The following RPA3 variants were observed in gnomAD, a reference collection of about 807,000 sequenced individuals.
The protein encoded by RPA3 is replication protein A3.
RPA3 carries 24 observed loss-of-function variants against 13.7 expected under a neutral mutation model. The ratio of observed to expected loss-of-function variants is 1.75; its 90% confidence interval spans 1.27 to 2.46. The LOEUF (loss-of-function observed/expected upper bound fraction) is 2.46, where lower values mean the gene tolerates loss of function less well. Ranked by LOEUF, RPA3 falls within the 30% of genes most tolerant of loss-of-function variation. The probability of loss-of-function intolerance (pLI) is 0.00; values close to 1 mark genes in which losing one functional copy is unlikely to be tolerated. For synonymous variants in RPA3, 59 were observed against 51.2 expected (o/e 1.15, Z -0.65); for missense variants, 183 against 151.0 (o/e 1.21, Z -1.11).
At chr7:7,639,251 A>G (rs1462117745) in intron 5 of RPA3, 107 bp from the exon 6 acceptor site, 4 of 714,272 alleles carry the variant, frequency 5.6e-6, no homozygotes, top group Admixed American at 5.9e-5. Flanking sequence ...TTTCTTGAAC[A>G]GTTTATTCAT....
intron 4 of RPA3, among the ~76,000 whole-genome samples, chr7:7,654,683 A>G (rs1026455841): frequency 6.6e-6 from 1 of 152,148 alleles, no homozygotes. Context: ...TGGGCTGATC[A>G]CTTGAGGCTA....
At chr7:7,701,253 C>G (rs914044569) in intron 2 of RPA3, among the ~76,000 whole-genome samples, 1 of 151,966 alleles carries the variant, frequency 6.6e-6, no homozygotes, top group African/African-American at 2.4e-5. Flanking sequence ...GGCTTAGAGC[C>G]CTAAAACCTC....
intron 4 of RPA3, chr7:7,676,157 G>A (rs1779732579): frequency 2.5e-6 from 1 of 398,638 alleles, no homozygotes; most frequent in African/African-American, 2.1e-5. Context: ...CCCTGGGTCA[G>A]ACCCTTTGGG....
intron 4 of RPA3, among the ~76,000 whole-genome samples, chr7:7,647,837 T>C (rs913800661): frequency 6.6e-6 from 1 of 152,204 alleles, no homozygotes; most frequent in Admixed American, 6.5e-5. Flanking sequence ...ACTGCTAGGC[T>C]CAAGCAAGCC....
intron 4 of RPA3, among the ~76,000 whole-genome samples, chr7:7,669,737 G>A (rs1779558853): frequency 6.6e-6 from 1 of 152,168 alleles, no homozygotes; most frequent in African/African-American, 2.4e-5. Context: ...GGTCAGATTG[G>A]TGGAGTGATA....
chr7:7,715,798 G>A (rs1002003145), intron 1 of RPA3, among the ~76,000 whole-genome samples: 6 of 152,132 alleles, frequency 3.9e-5, no homozygotes, highest in Non-Finnish European at 8.8e-5. Flanking sequence ...GGGAAAAGAA[G>A]TATAAGACAG....
intron 2 of RPA3, among the ~76,000 whole-genome samples, chr7:7,696,783 G>T (rs1780329529): frequency 6.6e-6 from 1 of 152,020 alleles, no homozygotes; most frequent in Admixed American, 6.6e-5. Context: ...AACTCTATAG[G>T]TAGGGCCCTG....
At position 7,664,529 on chromosome 7, in the gene RPA3, T is replaced by A. The variant is rs1196857243; in HGVS notation, c.-758+21301A>T. Among the ~76,000 whole-genome samples the A allele has an allele frequency of 2.6e-5, 4 of 152,234 alleles. No homozygotes were observed. In the East Asian group the frequency reaches 7.7e-4, roughly 29 times the overall value. ...TTTTGCAGTCTTGATTTCTGTTGCT[T>A]ATCTACATGGTTCCTTCCTCTAGTG... On this transcript the variant is annotated intron_variant, in intron 4 of 7. Transcript: ENST00000223129.
Position 7,639,058 on chromosome 7 carries a change from A to C in RPA3, c.174+12T>G. 2.5e-6 allele frequency: 4 copies of C among 1,598,582 alleles called. No homozygotes were observed. The highest frequency in any genetic ancestry group is 3.4e-6 in the Non-Finnish European group (4 of 1,170,642). On this transcript the variant is annotated intron_variant, in intron 6 of 7. Transcript: ENST00000223129. ...TATAATATATAAGAGACTTATTAAC[A>C]CTTAAACATACGGGTTCCATCAACT...
Position 7,644,354 on chromosome 7 carries a change from CT to C in RPA3, c.-757-3180del, listed in dbSNP as rs35141799. On this transcript the variant is annotated intron_variant, in intron 4 of 7. Transcript: ENST00000223129. ...TTCCGTTTCCTTCCTTCATTCCATC[CT>C]TTTTTTTTTTTTATTAGGAAGACCT... Among the ~76,000 whole-genome samples, 1,209 of 141,772 alleles carry C rather than the reference CT, an allele frequency of 8.5e-3. 7 individuals carry two copies. Among genetic ancestry groups the C allele is most frequent in the African/African-American group, 0.023 (902 of 39,002 alleles). The allele number at this position is 141,772 out of a possible 152,430, so 93.0% of individuals were successfully genotyped here. A position where few individuals can be genotyped will look rare whatever the true frequency, so the allele number is the denominator to read the frequency against.
chr7:7,645,565 C>A (rs561655104), intron 4 of RPA3, among the ~76,000 whole-genome samples: 1 of 152,158 alleles, frequency 6.6e-6, no homozygotes. Flanking sequence ...AGGAGTATTC[C>A]CCGAAGTCCT....
At chr7:7,673,948 G>A (rs1413037318) in intron 4 of RPA3, among the ~76,000 whole-genome samples, 8 of 152,240 alleles carry the variant, frequency 5.3e-5, no homozygotes, top group South Asian at 4.1e-4. Context: ...AAAGGTTTTA[G>A]TGTCTTTAAA....
chr7:7,712,391 A>G (rs1780787227), intron 2 of RPA3, among the ~76,000 whole-genome samples: 1 of 152,140 alleles, frequency 6.6e-6, no homozygotes, highest in Non-Finnish European at 1.5e-5. Flanking sequence ...TTTTTGTAAA[A>G]TTGCCATGCA....
intron 4 of RPA3, among the ~76,000 whole-genome samples, chr7:7,645,056 G>A (rs1388394295): frequency 6.6e-6 from 1 of 151,990 alleles, no homozygotes; most frequent in African/African-American, 2.4e-5. Context: ...TTGCTATTAT[G>A]AATGGTATCA....
chr7:7,699,050 G>T (rs886970455), intron 2 of RPA3, among the ~76,000 whole-genome samples: 30 of 53,576 alleles, frequency 5.6e-4, no homozygotes, highest in African/African-American at 1.5e-3. Flanking sequence ...GTGTGTGTGT[G>T]GGGGGGGGGT....
chr7:7,718,140 A>G (rs1286706579), intron 1 of RPA3, among the ~76,000 whole-genome samples: 3 of 152,206 alleles, frequency 2.0e-5, no homozygotes, highest in Non-Finnish European at 4.4e-5. Context: ...AGAAAGTAAA[A>G]CTGGTATTAA....
intron 3 of RPA3, among the ~76,000 whole-genome samples, chr7:7,686,895 G>A (rs1196377059): frequency 6.6e-6 from 1 of 152,088 alleles, no homozygotes; most frequent in East Asian, 1.9e-4. Context: ...CCTCTCCCCT[G>A]CCCCCACTTC....
chr7:7,644,442 T>C (rs1785050372), intron 4 of RPA3, among the ~76,000 whole-genome samples: 1 of 151,968 alleles, frequency 6.6e-6, no homozygotes, highest in African/African-American at 2.4e-5. Flanking sequence ...TCCATTAAAA[T>C]CTCATTTATG....
chr7:7,646,892 A>G (rs1785109248), intron 4 of RPA3, among the ~76,000 whole-genome samples: 1 of 152,086 alleles, frequency 6.6e-6, no homozygotes, highest in Admixed American at 6.5e-5. Flanking sequence ...GGGGTGACAT[A>G]TTGGGCCAAA....
Sources: allele counts gnomAD v4.1 joint callset (sites outside exome capture counted in the v4.1 genomes callset), GRCh38; gene constraint gnomAD v4.1.1; transcripts MANE v1.5; gene names NCBI Gene and HGNC (gene_info 2026-07-23, HGNC 2026-07-21).